Variants in RFX3 observed in about 807,000 individuals in gnomAD.
RFX3 encodes the protein transcription factor RFX3.
Under a neutral mutation model 98.6 loss-of-function variants are expected in RFX3, and 14 were observed. That is an observed-to-expected ratio of 0.14 (90% CI 0.09 to 0.22). The LOEUF is 0.22. RFX3 is among the 10% of genes least tolerant of loss of function. The pLI is 1.00. For missense variants in RFX3, 639 were observed against 926.9 expected (o/e 0.69, Z 4.03); for synonymous variants, 383 against 328.4 (o/e 1.17, Z -1.80).
chr9:3,344,463 C>T (rs976743506), intron 3 of RFX3, among the ~76,000 whole-genome samples: 6 of 152,098 alleles, frequency 3.9e-5, no homozygotes, highest in East Asian at 1.9e-4. Flanking sequence ...GGGAGTATTT[C>T]GGATTTCAGA....
chr9:3,322,052 G>A (rs1239711481), intron 4 of RFX3, among the ~76,000 whole-genome samples: 2 of 151,752 alleles, frequency 1.3e-5, no homozygotes, highest in Non-Finnish European at 2.9e-5. Flanking sequence ...ATATCTGATA[G>A]GTTGTTTCCC....
intron 2 of RFX3, among the ~76,000 whole-genome samples, 161 bp downstream of exon 2, chr9:3,395,311 T>A (rs1316120826): frequency 6.6e-6 from 1 of 152,188 alleles, no homozygotes; most frequent in Non-Finnish European, 1.5e-5. Context: ...ACCTGGCACA[T>A]CCAAGAAATG....
chr9:3,505,260 AT>A (rs1312820050), intron 1 of RFX3, among the ~76,000 whole-genome samples: 1 of 75,268 alleles, frequency 1.3e-5, no homozygotes, highest in Non-Finnish European at 2.0e-5. Context: ...ATGAATATAT[AT>A]TTATATATAT....
intron 1 of RFX3, among the ~76,000 whole-genome samples, chr9:3,476,256 A>G (rs1426768745): frequency 6.6e-6 from 1 of 151,570 alleles, no homozygotes; most frequent in African/African-American, 2.4e-5. Flanking sequence ...TTGTTGTTTT[A>G]TGTTCTTTAT....
At chr9:3,302,843 T>A (rs1828828106) in intron 4 of RFX3, among the ~76,000 whole-genome samples, 1 of 151,836 alleles carries the variant, frequency 6.6e-6, no homozygotes, top group Non-Finnish European at 1.5e-5. Flanking sequence ...ACATTAAATC[T>A]AATTTTCTTC....
chr9:3,394,420 G>A (rs1200973775), intron 2 of RFX3, among the ~76,000 whole-genome samples: 1 of 152,148 alleles, frequency 6.6e-6, no homozygotes, highest in Non-Finnish European at 1.5e-5. Context: ...CCGAGATGAT[G>A]CCACTGCACT....
rs1039489815 is a variant in RFX3 at position 3,453,947 on chromosome 9, G to A, written c.-8-58351C>T. On this transcript the variant is annotated intron_variant, in intron 1 of 16. Transcript: ENST00000617270. ...AAAAAGATATGTCCACATTTAACTT[G>A]GGCATCAGTTTTTGAGACTAGTGAT... 2.0e-5 allele frequency among the ~76,000 whole-genome samples: 3 copies of A among 151,870 alleles called. No individual in the cohort carries two copies. The East Asian group carries it at 5.8e-4, about 29-fold the overall frequency.
At chr9:3,289,544 C>T (rs3012692) in intron 6 of RFX3, among the ~76,000 whole-genome samples, 4 of 151,842 alleles carry the variant, frequency 2.6e-5, no homozygotes, top group South Asian at 2.1e-4. Flanking sequence ...AGTAGAGGTA[C>T]GGTAGGAAGC....
chr9:3,378,755 C>G (rs1838842335), intron 2 of RFX3, among the ~76,000 whole-genome samples: 2 of 151,872 alleles, frequency 1.3e-5, no homozygotes, highest in African/African-American at 4.8e-5. Flanking sequence ...GGGGTTTCAT[C>G]ATGTTGGCCA....
Position 3,275,523 on chromosome 9 carries a change from T to C in RFX3, c.1063A>G (p.Ser355Gly). ...ACCTCACAGTGCTCTCTATAAAGAC[T>C]CTGCAGTGACTTGATATCCTCAAAG... ...TTFEDIKSLQ[S>G]LYREHCEAIL... Residue 355 changes from serine (S) to glycine (G), a missense_variant, in exon 9 of 17, where the codon AGT becomes GGT. Coordinates refer to ENST00000617270, the MANE Select transcript of RFX3 (RefSeq NM_001282116.2). The C allele has an allele frequency of 6.2e-7, 1 of 1,606,424 alleles. No individual in the cohort carries two copies. The highest frequency in any genetic ancestry group is 8.5e-7 in the Non-Finnish European group (1 of 1,173,230).
At chr9:3,250,873 A>G (rs1821305054) in intron 14 of RFX3, among the ~76,000 whole-genome samples, 1 of 152,214 alleles carries the variant, frequency 6.6e-6, no homozygotes, top group Non-Finnish European at 1.5e-5. Flanking sequence ...TACATCAAAA[A>G]ATTCCTACCC....
intron 15 of RFX3, chr9:3,247,364 T>A (rs1820817907): frequency 1.0e-6 from 1 of 980,322 alleles, no homozygotes; most frequent in African/African-American, 1.7e-5. Context: ...GCATATGGGT[T>A]TGAAAATCAG....
intron 7 of RFX3, among the ~76,000 whole-genome samples, 182 bp from the exon 8 acceptor site, chr9:3,277,643 A>G (rs1825407769): frequency 6.6e-6 from 1 of 151,948 alleles, no homozygotes; most frequent in Non-Finnish European, 1.5e-5. Context: ...AATTGTGAAA[A>G]GAAAAAAGGG....
intron 1 of RFX3, among the ~76,000 whole-genome samples, chr9:3,486,737 G>T (rs1037970769): frequency 4.6e-5 from 7 of 152,152 alleles, no homozygotes; most frequent in African/African-American, 1.7e-4. Flanking sequence ...TTTGTAGAAT[G>T]CTATGATTTG....
intron 15 of RFX3, among the ~76,000 whole-genome samples, chr9:3,232,842 G>A (rs1031070284): frequency 2.0e-5 from 3 of 151,722 alleles, no homozygotes; most frequent in African/African-American, 7.3e-5. Flanking sequence ...GGGGAGGGAG[G>A]GGAAGGGAAC....
intron 4 of RFX3, among the ~76,000 whole-genome samples, chr9:3,315,287 G>A (rs1214309252): frequency 6.9e-6 from 1 of 144,220 alleles, no homozygotes; most frequent in Non-Finnish European, 1.5e-5. Context: ...GGGTACATAC[G>A]AAATGAAGGC....
rs78075838 is a variant in RFX3, at chr9:3,275,718, G to A, written c.974-106C>T. 3.5e-3 allele frequency: 2,042 copies of A among 590,588 alleles called. 25 individuals carry two copies. Among genetic ancestry groups the A allele is most frequent in the African/African-American group, 0.034 (1,807 of 53,284 alleles). The allele number at this position is 590,588 out of a possible 1,614,324, so 36.6% of individuals were successfully genotyped here. A position where few individuals can be genotyped will look rare whatever the true frequency, so the allele number is the denominator to read the frequency against. ...CCAAAAAGAAAAACAAATTTTAAAG[G>A]TCAGGGGTCCAGAGAGCAAGGACAT... On this transcript the variant is annotated intron_variant, in intron 8 of 16. Coordinates refer to ENST00000617270, the MANE Select transcript of RFX3 (RefSeq NM_001282116.2).
At chr9:3,423,730 T>C (rs1243862415) in intron 1 of RFX3, among the ~76,000 whole-genome samples, 1 of 144,002 alleles carries the variant, frequency 6.9e-6, no homozygotes. Flanking sequence ...AAAACTCAAC[T>C]CAACATTTTT....
intron 8 of RFX3, among the ~76,000 whole-genome samples, chr9:3,276,670 C>T (rs1412840665): frequency 6.6e-6 from 1 of 151,896 alleles, no homozygotes; most frequent in Non-Finnish European, 1.5e-5. Flanking sequence ...GACACATATA[C>T]ACACACACAG....
Sources: allele counts gnomAD v4.1 joint callset (sites outside exome capture counted in the v4.1 genomes callset), GRCh38; gene constraint gnomAD v4.1.1; transcripts MANE v1.5; gene names NCBI Gene and HGNC (gene_info 2026-07-23, HGNC 2026-07-21).